Variants in ITIH6 observed in about 807,000 individuals in gnomAD.
ITIH6 encodes inter-alpha-trypsin inhibitor heavy chain H6.
ITIH6 carries 60 observed loss-of-function variants against 58.2 expected under a neutral mutation model. The ratio of observed to expected loss-of-function variants is 1.03; its 90% CI spans 0.84 to 1.28. The LOEUF is 1.28. Ranked by LOEUF, ITIH6 falls within the 50% of genes most tolerant of loss-of-function variation. The pLI, the probability that ITIH6 is intolerant of heterozygous loss-of-function variation, is 0.00. For missense variants in ITIH6, 1,290 were observed against 1,021.1 expected, an observed-to-expected ratio of 1.26 and a Z score of -3.59; for synonymous variants, 493 against 417.4, an observed-to-expected ratio of 1.18 and a Z score of -2.21.
intron 5 of ITIH6, among the ~76,000 whole-genome samples, chrX:54,776,448 G>A (rs1379159768): frequency 1.8e-5 from 2 of 110,514 alleles, no homozygotes; most frequent in African/African-American, 6.6e-5. Context: ...ACAACCTACC[G>A]AGATAGCAGC....
intron 6 of ITIH6, among the ~76,000 whole-genome samples, chrX:54,767,883 G>C (rs1337900189): frequency 8.1e-5 from 6 of 73,729 alleles, no homozygotes; most frequent in Admixed American, 1.6e-4. Flanking sequence ...TTGGGGTGGA[G>C]AGTTCTGTAG....
intron 5 of ITIH6, among the ~76,000 whole-genome samples, chrX:54,775,156 A>G (rs1194657103): frequency 1.5e-4 from 17 of 111,636 alleles, no homozygotes; most frequent in Non-Finnish European, 2.8e-4. Flanking sequence ...GCACTCTGGT[A>G]CAGTTCAAAA....
intron 7 of ITIH6, among the ~76,000 whole-genome samples, chrX:54,759,308 A>AGC (rs771664782): frequency 2.9e-4 from 31 of 108,091 alleles, no homozygotes; most frequent in African/African-American, 1.0e-3. Flanking sequence ...CAAGGCTAGC[A>AGC]CCCCCCCCTC....
At position 54,751,111 on chromosome X, in the gene ITIH6, G is replaced by C. The variant is rs1185572592; in HGVS notation, c.3622C>G (p.Leu1208Val). ...TGCCTGTAGCGGTGTCGGAGGACTA[G>C]GAACTCAAGGTAGGGCCCAAGGCGG... is the stretch of plus-strand genomic sequence containing the variant. ...TLRLGPYLEF[L>V]VLRHRYRHPS... is the part of the protein sequence containing the mutation. Residue 1208 changes from leucine to valine, a missense_variant, in exon 12 of 13, where the codon CTA becomes GTA. Physicochemically the swap from Leu to Val is conservative, Grantham distance 32. Transcript: ENST00000218436. 8.3e-7 allele frequency: 1 copy of C among 1,208,294 alleles called. No individual in the cohort carries two copies. The highest frequency in any genetic ancestry group is 1.8e-5 in the South Asian group (1 of 56,179).
intron 7 of ITIH6, among the ~76,000 whole-genome samples, chrX:54,759,455 T>C (rs763345579): frequency 8.9e-6 from 1 of 111,912 alleles, no homozygotes; most frequent in East Asian, 2.8e-4. Flanking sequence ...TGGAAATAAA[T>C]ATCTAGATTA....
intron 2 of ITIH6, among the ~76,000 whole-genome samples, chrX:54,796,089 T>A: frequency 8.9e-6 from 1 of 111,738 alleles, no homozygotes; most frequent in Non-Finnish European, 1.9e-5. Context: ...AGTCTTGATC[T>A]CCTGGCCTCA....
chrX:54,774,308 C>T (rs1349969069), intron 5 of ITIH6, 111 bp from the exon 6 acceptor site: 5 of 367,863 alleles, frequency 1.4e-5, no homozygotes, highest in Non-Finnish European at 2.4e-5. Context: ...TTCCCCAGGA[C>T]TTCTCACTGT....
chrX:54,770,733 A>G (rs1240071668), intron 6 of ITIH6, among the ~76,000 whole-genome samples: 1 of 112,489 alleles, frequency 8.9e-6, no homozygotes, highest in Non-Finnish European at 1.9e-5. Context: ...AAAAAATATT[A>G]TCTGTTAGGT....
chrX:54,757,481 T>A lies in ITIH6; in HGVS notation c.2593A>T (p.Ile865Phe), dbSNP rs754024615. Residue 865 changes from isoleucine (I) to phenylalanine (F), a missense_variant, in exon 8 of 13, where the codon ATT becomes TTT. Ile to Phe is a conservative substitution (Grantham distance 21). Coordinates refer to ENST00000218436, the MANE Select transcript of ITIH6 (RefSeq NM_198510.3). ...SLKPSAPPHQISTSISLSKPE... is the reference protein window; with the variant it reads ...SLKPSAPPHQFSTSISLSKPE... ...TTGGAAAGTGATATGCTTGTGGAAA[T>A]TTGGTGTGGTGGGGCACTCGGTTTA... The A allele has an allele frequency of 8.3e-7, 1 of 1,210,252 alleles. No individual in the cohort carries two copies. The highest frequency in any genetic ancestry group is 1.8e-5 in the South Asian group (1 of 56,886).
Position 54,767,491 on chromosome X carries a change from C to A in ITIH6, c.903+6590G>T, listed in dbSNP as rs373874788. 6.2e-3 allele frequency among the ~76,000 whole-genome samples: 575 copies of A among 93,413 alleles called. 2 individuals carry two copies. The highest frequency in any genetic ancestry group is 0.03 in the African/African-American group (533 of 17,673). 81.1% of individuals were successfully genotyped at this position (93,413 alleles called of 115,157 possible). On this transcript the variant is annotated intron_variant, in intron 6 of 12. Coordinates refer to ENST00000218436, the MANE Select transcript of ITIH6 (RefSeq NM_198510.3). ...CTTTTAATTGTGATGTTAGGGTGTCCATTTTGGATCTTTCCTGCTTTCTCT... is the reference window on the plus strand; with the variant it reads ...CTTTTAATTGTGATGTTAGGGTGTCAATTTTGGATCTTTCCTGCTTTCTCT...
At chrX:54,767,055 C>T (rs770519916) in intron 6 of ITIH6, among the ~76,000 whole-genome samples, 2,235 of 110,648 alleles carry the variant, frequency 0.02, 82 homozygotes, top group African/African-American at 0.071. Flanking sequence ...TGGTTATTGC[C>T]ACAATTTCAG....
At chrX:54,759,150 C>T in intron 7 of ITIH6, 152 bp from the exon 8 acceptor site, 1 of 437,039 alleles carries the variant, frequency 2.3e-6, no homozygotes, top group Non-Finnish European at 3.9e-6. Flanking sequence ...TTCTCCACTC[C>T]CACCCAGACT....
chrX:54,758,834 C>T lies in ITIH6; in HGVS notation c.1240G>A (p.Val414Ile), dbSNP rs780242873. The change falls in exon 8 of 13, where the codon GTC becomes ATC. Residue 414 changes from valine to isoleucine, a missense_variant. Val to Ile is a conservative substitution (Grantham distance 29, BLOSUM62 3). Transcript: ENST00000218436. ...VTTPSVILSN[V>I]RQALGHRVSL... ...ACCCTGTGGCCTAGCGCCTGACGGA[C>T]ATTGGAGAGGATCACACTGGGGGTC... The T allele has an allele frequency of 3.2e-5, 39 of 1,209,645 alleles. No individual in the cohort carries two copies. Among genetic ancestry groups the T allele is most frequent in the Non-Finnish European group, 4.1e-5 (37 of 895,137 alleles).
rs1171594067 is a variant in ITIH6 at position 54,758,177 on chromosome X, T to C, written c.1897A>G (p.Ile633Val). 2 of 1,211,032 alleles carry C rather than the reference T, an allele frequency of 1.7e-6. No homozygotes were observed. The highest frequency in any genetic ancestry group is 3.0e-5 in the East Asian group (1 of 33,827). ...TGCCTGCTGCTGGATGAGGGCATGATGGTGTCTGGCCCAGCAGAGGTGGAA... is the reference window on the plus strand; with the variant it reads ...TGCCTGCTGCTGGATGAGGGCATGACGGTGTCTGGCCCAGCAGAGGTGGAA... ...QTSTSAGPDT[I>V]MPSSSSRHGL... Residue 633 changes from isoleucine (I) to valine (V), a missense_variant, in exon 8 of 13, where the codon ATC (isoleucine) becomes GTC (valine). Physicochemically the swap from Ile to Val is conservative, Grantham distance 29. Coordinates refer to ENST00000218436, the MANE Select transcript of ITIH6 (RefSeq NM_198510.3).
chrX:54,797,308 A>G (rs1330263863), intron 1 of ITIH6, among the ~76,000 whole-genome samples: 1 of 112,046 alleles, frequency 8.9e-6, no homozygotes, highest in Non-Finnish European at 1.9e-5. Context: ...CCCAAGACTC[A>G]CAGAAGATTA....
At chrX:54,785,509 A>G (rs1206759915) in intron 5 of ITIH6, among the ~76,000 whole-genome samples, 1 of 111,009 alleles carries the variant, frequency 9.0e-6, no homozygotes, top group East Asian at 2.8e-4. Flanking sequence ...CTCAAAAATT[A>G]AAAGTAACAA....
At chrX:54,754,117 T>C in intron 9 of ITIH6, 152 bp from the exon 10 acceptor site, 1 of 517,195 alleles carries the variant, frequency 1.9e-6, no homozygotes, top group Non-Finnish European at 3.2e-6. Context: ...CCAGTCTTTG[T>C]GCTCTAGCCC....
At chrX:54,795,199 G>A (rs1342544215) in intron 2 of ITIH6, among the ~76,000 whole-genome samples, 1 of 111,430 alleles carries the variant, frequency 9.0e-6, no homozygotes, top group Non-Finnish European at 1.9e-5. Flanking sequence ...CCTTATTATG[G>A]CCCACACTTA....
intron 6 of ITIH6, among the ~76,000 whole-genome samples, chrX:54,760,360 C>T (rs930014495): frequency 1.8e-5 from 2 of 110,995 alleles, no homozygotes; most frequent in African/African-American, 6.6e-5. Context: ...GTTTTTAGAG[C>T]TCTAGAATTC....
Sources: gnomAD v4.1 joint callset for allele counts (sites outside exome capture counted in the v4.1 genomes callset) on GRCh38, gnomAD v4.1.1 for gene constraint, MANE v1.5 for transcripts, NCBI Gene and HGNC (gene_info 2026-07-23, HGNC 2026-07-21) for gene names.